MYOM1: variants seen among roughly 807,000 people sequenced by gnomAD.
MYOM1 encodes the protein myomesin-1.
MYOM1 carries 164 observed loss-of-function variants against 205.3 expected under a neutral mutation model. The observed-to-expected ratio is 0.80, with a 90% CI of 0.70 to 0.91. The LOEUF is 0.91. MYOM1 is among the 40% of genes least tolerant of loss of function. The pLI is 0.00. For synonymous variants in MYOM1, 772 were observed against 789.4 expected (o/e 0.98, Z 0.37); for missense variants, 2,011 against 2,127.3 (o/e 0.95, Z 1.08).
At chr18:3,095,921 C>A (rs1210230512) in intron 25 of MYOM1, among the ~76,000 whole-genome samples, 1 of 152,164 alleles carries the variant, frequency 6.6e-6, no homozygotes, top group Non-Finnish European at 1.5e-5. Flanking sequence ...GTAGAAAGCA[C>A]AATTTCTTCT....
chr18:3,225,209 G>T, the MYOM1 span, among the ~76,000 whole-genome samples: 130 of 150,906 alleles, frequency 8.6e-4, 1 homozygote, highest in African/African-American at 3.1e-3. Flanking sequence ...GGATGGTCTC[G>T]ATCTCCTGAC....
In MYOM1 at chr18:3,119,933, C is replaced by T. The variant is rs557791716; in HGVS notation, c.3054G>A (p.Gly1018=). 1.1e-5 allele frequency: 17 copies of T among 1,611,770 alleles called. No homozygotes were observed. Among genetic ancestry groups the T allele is most frequent in the Middle Eastern group, 1.7e-4 (1 of 5,932 alleles). Reference sequence around the variant, plus strand: ...CGCTTACTGCGGAGGGCGCGCCCAGCCCAGCCATGTTCATGGCTGCCACTT... The same window carrying T: ...CGCTTACTGCGGAGGGCGCGCCCAGTCCAGCCATGTTCATGGCTGCCACTT... The part of the protein sequence containing the change: ...QFQVAAMNMA[G]LGAPSAVSEC... The change falls in exon 20 of 38, where the codon GGG becomes GGA. Residue 1018 remains glycine (G), a synonymous_variant. Transcript: ENST00000356443.
intron 22 of MYOM1, among the ~76,000 whole-genome samples, chr18:3,110,346 C>G (rs912815427): frequency 2.0e-5 from 3 of 152,084 alleles, no homozygotes; most frequent in Non-Finnish European, 2.9e-5. Flanking sequence ...GGGTTTCAGA[C>G]GAGGACTGGC....
At chr18:3,157,727 C>A (rs1040500342) in intron 10 of MYOM1, among the ~76,000 whole-genome samples, 2 of 133,704 alleles carry the variant, frequency 1.5e-5, no homozygotes, top group Admixed American at 7.4e-5. Flanking sequence ...AATAATAATC[C>A]TTCTTTTTCT....
chr18:3,227,476 G>A, the MYOM1 span, among the ~76,000 whole-genome samples: 1 of 152,132 alleles, frequency 6.6e-6, no homozygotes. Context: ...GGGTAATGAG[G>A]AGTATAGCTT....
intron 3 of MYOM1, 55 bp downstream of exon 3, chr18:3,193,763 A>G: frequency 6.5e-7 from 1 of 1,543,314 alleles, no homozygotes; most frequent in Non-Finnish European, 8.8e-7. Context: ...CCATTCCTAT[A>G]GCACTTACTA....
rs2081012878 is a variant in MYOM1, at chr18:3,197,838, A to G, written c.291-3880T>C. On this transcript the variant is annotated intron_variant, in intron 2 of 37. Coordinates refer to ENST00000356443, the MANE Select transcript of MYOM1 (RefSeq NM_003803.4). ...CAGTGAGCCGAGATCGCACCACTGC[A>G]CTCTGGCCTGGGTGACAGAGCGAGA... Among the ~76,000 whole-genome samples the G allele has an allele frequency of 2.0e-5, 3 of 152,218 alleles. No homozygotes were observed. The South Asian group carries it at 6.2e-4, about 32-fold the overall frequency.
Position 3,161,524 on chromosome 18 carries a change from G to A in MYOM1, c.1501+2754C>T, listed in dbSNP as rs564053270. 1.5e-4 allele frequency among the ~76,000 whole-genome samples: 23 copies of A among 152,270 alleles called. No homozygotes were observed. In the East Asian group the frequency reaches 4.1e-3, roughly 27 times the overall value. On this transcript the variant is annotated intron_variant, in intron 10 of 37. Transcript: ENST00000356443. ...TAAGCAGAAGTGATGAGGGCAATTC[G>A]GCCTCTGCCCCTCCACTCCCTTTCT...
At chr18:3,237,121 A>G in the MYOM1 span, among the ~76,000 whole-genome samples, 1 of 152,192 alleles carries the variant, frequency 6.6e-6, no homozygotes. Flanking sequence ...ATTGGTCAGA[A>G]AAGGATCACT....
intron 16 of MYOM1, among the ~76,000 whole-genome samples, chr18:3,132,651 A>C (rs893289082): frequency 3.3e-5 from 5 of 152,128 alleles, no homozygotes; most frequent in African/African-American, 9.7e-5. Flanking sequence ...GCTCCTTGTC[A>C]TAGAGGCCTA....
rs1469344525 is a variant in MYOM1 at position 3,152,504 on chromosome 18, G to C, written c.1644-611C>G. On this transcript the variant is annotated intron_variant, in intron 11 of 37. Transcript: ENST00000356443. This position sits in a 1 kb window ranked among gnomAD's most constrained non-coding sequence, Gnocchi z 4.3. ...CCCAGTCCTGGCAGGGGCAGATTGA[G>C]TGGGTACTTGGAAACACTGATTTCT... Among the ~76,000 whole-genome samples, 1 of 152,190 alleles carries C rather than the reference G, an allele frequency of 6.6e-6. No homozygotes were observed. The highest frequency in any genetic ancestry group is 2.4e-5 in the African/African-American group (1 of 41,452).
chr18:3,246,508 G>C, the MYOM1 span: 1 of 152,232 alleles, frequency 6.6e-6, no homozygotes, highest in African/African-American at 2.4e-5. Context: ...ATCACCTGTG[G>C]AACTGGAGCA....
intron 2 of MYOM1, among the ~76,000 whole-genome samples, chr18:3,204,125 C>G (rs868626561): frequency 6.6e-6 from 1 of 151,350 alleles, no homozygotes; most frequent in African/African-American, 2.4e-5. Flanking sequence ...AGGCCATCTA[C>G]GAAAAATCTA....
chr18:3,112,811 T>C (rs1326270391), intron 21 of MYOM1, among the ~76,000 whole-genome samples: 1 of 152,170 alleles, frequency 6.6e-6, no homozygotes, highest in Non-Finnish European at 1.5e-5. Flanking sequence ...CCCAATCCTT[T>C]TGAGACATTC....
the MYOM1 span, among the ~76,000 whole-genome samples, chr18:3,227,885 A>G: frequency 6.6e-6 from 1 of 152,198 alleles, no homozygotes; most frequent in East Asian, 1.9e-4. Flanking sequence ...AACAGTGTAA[A>G]TGTACTTACT....
chr18:3,228,872 G>C, the MYOM1 span, among the ~76,000 whole-genome samples: 1 of 152,142 alleles, frequency 6.6e-6, no homozygotes. The surrounding 1 kb of genome is among the most constrained non-coding windows in gnomAD (Gnocchi z 4.5). Context: ...TTTGTGTCTG[G>C]TTTCTTTCAC....
chr18:3,102,391 A>G, intron 23 of MYOM1, 83 bp downstream of exon 23: 1 of 1,326,982 alleles, frequency 7.5e-7, no homozygotes, highest in Non-Finnish European at 1.0e-6. Flanking sequence ...TCTTATTCCA[A>G]GCAATTTAAG....
intron 10 of MYOM1, among the ~76,000 whole-genome samples, 186 bp from the exon 11 acceptor site, chr18:3,155,274 G>T (rs563902970): frequency 7.3e-4 from 111 of 152,266 alleles, no homozygotes; most frequent in South Asian, 5.2e-3. Flanking sequence ...CAGGCTGGAG[G>T]GCAGAGGTGG....
At chr18:3,185,100 T>A (rs2080792104) in intron 5 of MYOM1, among the ~76,000 whole-genome samples, 1 of 152,216 alleles carries the variant, frequency 6.6e-6, no homozygotes, top group Non-Finnish European at 1.5e-5. Flanking sequence ...GAGTTTCCAT[T>A]CTTTTTGTTT....
Sources: gnomAD v4.1 joint callset for allele counts (sites outside exome capture counted in the v4.1 genomes callset) on GRCh38, gnomAD v4.1.1 for gene constraint, Gnocchi (gnomAD v3.1) non-coding constraint, MANE v1.5 for transcripts, NCBI Gene and HGNC (gene_info 2026-07-23, HGNC 2026-07-21) for gene names.